The following C13orf42 variants were observed in gnomAD, a reference collection of about 807,000 sequenced individuals.
The protein encoded by C13orf42 is uncharacterized protein C13orf42.
At chr13:51,104,103 C>T (rs1953323140) in intron 1 of C13orf42, among the ~76,000 whole-genome samples, 1 of 152,220 alleles carries the variant, frequency 6.6e-6, no homozygotes, top group East Asian at 1.9e-4. Context: ...TAAAAACATT[C>T]TCCTGATTTC....
At chr13:51,107,802 C>T (rs1272956408) in intron 1 of C13orf42, among the ~76,000 whole-genome samples, 1 of 152,200 alleles carries the variant, frequency 6.6e-6, no homozygotes, top group African/African-American at 2.4e-5. Context: ...TGCAGTCCAC[C>T]AGGGGAGACG....
chr13:51,086,317 C>CAAAAAAAAAAAAA (rs151139876), intron 2 of C13orf42, among the ~76,000 whole-genome samples: 1 of 114,294 alleles, frequency 8.7e-6, no homozygotes, highest in East Asian at 2.4e-4. Flanking sequence ...AAAAAAAAAA[C>CAAAAAAAAAAAAA]AAAAAAAAAC....
intron 1 of C13orf42, among the ~76,000 whole-genome samples, chr13:51,116,801 T>C (rs532806541): frequency 7.9e-5 from 12 of 152,264 alleles, no homozygotes; most frequent in Admixed American, 3.9e-4. Flanking sequence ...GTGGCACTTA[T>C]GTGGCTGCAT....
At chr13:51,100,977 A>T (rs1953284351) in intron 1 of C13orf42, among the ~76,000 whole-genome samples, 1 of 152,322 alleles carries the variant, frequency 6.6e-6, no homozygotes, top group East Asian at 1.9e-4. Flanking sequence ...AATATATAAC[A>T]TTAACTGAGA....
chr13:51,098,780 C>A (rs1322791680), intron 1 of C13orf42, among the ~76,000 whole-genome samples: 1 of 151,844 alleles, frequency 6.6e-6, no homozygotes. Context: ...AAGCTATGGG[C>A]TGCATTAGGG....
rs1387560572 is a variant in C13orf42, at chr13:51,082,471, C to T, written c.*1680G>A. On this transcript the variant is annotated 3_prime_UTR_variant, in exon 4 of 4. Transcript: ENST00000563710. ...AAAAACAAAATGTACACAGTATCTTCACCACATAATTTCAGGGTGGATCTA... is the reference window on the plus strand; with the variant it reads ...AAAAACAAAATGTACACAGTATCTTTACCACATAATTTCAGGGTGGATCTA... The T allele has an allele frequency of 2.6e-5, 4 of 152,194 alleles. No individual in the cohort carries two copies. Among genetic ancestry groups the T allele is most frequent in the African/African-American group, 9.6e-5 (4 of 41,458 alleles). The allele number at this position is 152,194 out of a possible 1,614,324, so 9.4% of individuals were successfully genotyped here. A position where few individuals can be genotyped will look rare whatever the true frequency, so the allele number is the denominator to read the frequency against.
At chr13:51,118,665 C>G (rs770649929) in intron 1 of C13orf42, among the ~76,000 whole-genome samples, 1 of 152,160 alleles carries the variant, frequency 6.6e-6, no homozygotes, top group Non-Finnish European at 1.5e-5. Context: ...GCAGCAAGAA[C>G]TCAGAACATA....
At chr13:51,141,607 G>A (rs944829551) in intron 1 of C13orf42, among the ~76,000 whole-genome samples, 2 of 152,074 alleles carry the variant, frequency 1.3e-5, no homozygotes, top group African/African-American at 4.8e-5. Context: ...AGACCAGCCT[G>A]GCCAACATGG....
chr13:51,140,724 C>G (rs1021911901), intron 1 of C13orf42, among the ~76,000 whole-genome samples: 50 of 152,142 alleles, frequency 3.3e-4, no homozygotes, highest in African/African-American at 1.2e-3. Flanking sequence ...GCTTCCATGA[C>G]GATGGAAGGG....
At chr13:51,111,699 C>T (rs939375262), upstream of C13orf42, among the ~76,000 whole-genome samples, 1 of 152,238 alleles carries the variant, frequency 6.6e-6, no homozygotes, top group East Asian at 1.9e-4. Flanking sequence ...TCTCTGAATC[C>T]AAAATGAAAT....
At chr13:51,092,189 G>C (rs1427137579) in intron 1 of C13orf42, among the ~76,000 whole-genome samples, 1 of 152,144 alleles carries the variant, frequency 6.6e-6, no homozygotes, top group Non-Finnish European at 1.5e-5. Context: ...CCCTAGTTGG[G>C]GGATAAATTA....
chr13:51,092,172 A>C (rs1289397220), intron 1 of C13orf42, among the ~76,000 whole-genome samples: 1 of 152,138 alleles, frequency 6.6e-6, no homozygotes, highest in Non-Finnish European at 1.5e-5. Context: ...TTCACTCTCC[A>C]ACGTGTCCCT....
chr13:51,147,874 C>A (rs539442478), intron 1 of C13orf42, among the ~76,000 whole-genome samples: 1 of 152,164 alleles, frequency 6.6e-6, no homozygotes, highest in African/African-American at 2.4e-5. Flanking sequence ...CAGGGAGGAA[C>A]GGGTCTGTGG....
At chr13:51,138,882 T>C (rs1304186201) in intron 1 of C13orf42, among the ~76,000 whole-genome samples, 1 of 152,184 alleles carries the variant, frequency 6.6e-6, no homozygotes, top group Non-Finnish European at 1.5e-5. Flanking sequence ...TATACACATA[T>C]ATATGTCAAA....
chr13:51,138,693 T>A (rs1479066881), intron 1 of C13orf42, among the ~76,000 whole-genome samples: 1 of 152,132 alleles, frequency 6.6e-6, no homozygotes, highest in Non-Finnish European at 1.5e-5. Flanking sequence ...CTCAAAAAAT[T>A]AAAAATAGGA....
At position 51,083,253 on chromosome 13, in the gene C13orf42, A is replaced by G. The variant is rs1294200049; in HGVS notation, c.*898T>C. ...AAATGTAAAAAGTATTTAGAAATAC[A>G]AAGAATATATTTTAAATGTAATTCT... On this transcript the variant is annotated 3_prime_UTR_variant, in exon 4 of 4. Coordinates refer to ENST00000563710, the MANE Select transcript of C13orf42 (RefSeq NM_001351589.3). 2.0e-5 allele frequency: 3 copies of G among 152,274 alleles called. No individual in the cohort carries two copies. Among genetic ancestry groups the G allele is most frequent in the Non-Finnish European group, 4.4e-5 (3 of 68,054 alleles). 9.4% of individuals were successfully genotyped at this position (152,274 alleles called of 1,614,324 possible).
intron 1 of C13orf42, among the ~76,000 whole-genome samples, chr13:51,127,491 C>G (rs540966145): frequency 2.6e-5 from 4 of 152,320 alleles, no homozygotes; most frequent in African/African-American, 9.6e-5. Flanking sequence ...CCCTGCTTCT[C>G]TGTGTGTGAA....
chr13:51,096,031 A>G (rs1485495818), intron 1 of C13orf42, among the ~76,000 whole-genome samples: 1 of 152,122 alleles, frequency 6.6e-6, no homozygotes, highest in Non-Finnish European at 1.5e-5. Flanking sequence ...TTTTGAGTCA[A>G]TCTAGATAAG....
At chr13:51,094,197 T>G (rs1272910663) in intron 1 of C13orf42, among the ~76,000 whole-genome samples, 1 of 152,184 alleles carries the variant, frequency 6.6e-6, no homozygotes, top group East Asian at 1.9e-4. Flanking sequence ...AGACCTGGAT[T>G]CTGTTACTTC....
Sources: allele counts gnomAD v4.1 joint callset (sites outside exome capture counted in the v4.1 genomes callset), GRCh38; gene constraint gnomAD v4.1.1; transcripts MANE v1.5; gene names NCBI Gene and HGNC (gene_info 2026-07-23, HGNC 2026-07-21).